Variants in ASTN1 observed in about 807,000 individuals in gnomAD.
ASTN1 encodes the protein astrotactin 1.
ASTN1 carries 41 observed loss-of-function variants against 140.7 expected under a neutral mutation model. That is an observed-to-expected ratio of 0.29 (90% confidence interval 0.23 to 0.38). The LOEUF (loss-of-function observed/expected upper bound fraction) is 0.38, where lower values mean the gene tolerates loss of function less well. ASTN1 is among the 10% of genes least tolerant of loss of function. ASTN1 has a pLI of 1.00. For synonymous variants in ASTN1, 640 were observed against 652.2 expected, an observed-to-expected ratio of 0.98 and a Z score of 0.29; for missense variants, 1,479 against 1,678.8, an observed-to-expected ratio of 0.88 and a Z score of 2.08.
intron 1 of ASTN1, among the ~76,000 whole-genome samples, chr1:177,158,205 G>C (rs1164811400): frequency 6.6e-6 from 1 of 152,102 alleles, no homozygotes; most frequent in Non-Finnish European, 1.5e-5. Context: ...TTGATTGTTT[G>C]TTCCTTGGAA....
At chr1:176,943,060 A>G (rs1671807983) in intron 14 of ASTN1, among the ~76,000 whole-genome samples, 1 of 151,588 alleles carries the variant, frequency 6.6e-6, no homozygotes, top group Non-Finnish European at 1.5e-5. Context: ...TAAGGAAGAC[A>G]GAATGAATAG....
chr1:176,948,604 A>G (rs2103115033), intron 12 of ASTN1, among the ~76,000 whole-genome samples: 1 of 152,200 alleles, frequency 6.6e-6, no homozygotes, highest in East Asian at 1.9e-4. Context: ...GCTCCCTCAC[A>G]GAGTGATCCT....
intron 8 of ASTN1, among the ~76,000 whole-genome samples, chr1:176,972,523 G>A (rs1271468280): frequency 6.6e-6 from 1 of 151,960 alleles, no homozygotes; most frequent in East Asian, 1.9e-4. Context: ...TTTAGAGACA[G>A]GATCTCACTC....
At chr1:177,103,344 G>A (rs1680390728) in intron 1 of ASTN1, among the ~76,000 whole-genome samples, 1 of 152,188 alleles carries the variant, frequency 6.6e-6, no homozygotes, top group East Asian at 1.9e-4. Flanking sequence ...CAGGCTAGAG[G>A]AGATCTACAG....
chr1:176,998,251 T>C (rs1327086201), intron 8 of ASTN1, among the ~76,000 whole-genome samples: 1 of 152,146 alleles, frequency 6.6e-6, no homozygotes, highest in East Asian at 1.9e-4. Flanking sequence ...TGAATACTCA[T>C]AAAGCATTTA....
chr1:177,138,091 T>G (rs2102217531), intron 1 of ASTN1, among the ~76,000 whole-genome samples: 1 of 152,202 alleles, frequency 6.6e-6, no homozygotes, highest in Non-Finnish European at 1.5e-5. Context: ...GCTCCAGACC[T>G]GGTGCTCAGA....
At chr1:177,022,885 G>A (rs1675898934) in intron 7 of ASTN1, among the ~76,000 whole-genome samples, 1 of 152,104 alleles carries the variant, frequency 6.6e-6, no homozygotes, top group Non-Finnish European at 1.5e-5. Flanking sequence ...GGAATGTTAA[G>A]TGAAAAAAGC....
chr1:177,060,511 C>T (rs539857473), intron 2 of ASTN1, among the ~76,000 whole-genome samples: 1 of 152,272 alleles, frequency 6.6e-6, no homozygotes, highest in East Asian at 1.9e-4. Context: ...TTAGCCTCAT[C>T]TAATTTTGTT....
chr1:176,869,545 A>G (rs1485875734), intron 21 of ASTN1, among the ~76,000 whole-genome samples: 1 of 152,242 alleles, frequency 6.6e-6, no homozygotes, highest in African/African-American at 2.4e-5. Context: ...AAGAAAGAAG[A>G]GAAAGTAAAT....
intron 17 of ASTN1, among the ~76,000 whole-genome samples, chr1:176,893,825 A>G (rs902435253): frequency 2.6e-5 from 4 of 152,112 alleles, no homozygotes; most frequent in Non-Finnish European, 5.9e-5. Flanking sequence ...GACTCACTCT[A>G]ATCTCTATGT....
intron 16 of ASTN1, among the ~76,000 whole-genome samples, chr1:176,931,441 G>A (rs1671201987): frequency 1.3e-5 from 2 of 152,098 alleles, no homozygotes; most frequent in Admixed American, 6.5e-5. Flanking sequence ...ACTACAGCCT[G>A]GGTAACAAGA....
chr1:177,137,630 A>C (rs1243990028), intron 1 of ASTN1, among the ~76,000 whole-genome samples: 1 of 152,220 alleles, frequency 6.6e-6, no homozygotes, highest in African/African-American at 2.4e-5. Context: ...GAGCTAATTC[A>C]CAAACTGTCA....
chr1:176,907,485 C>T (rs1189541190), intron 16 of ASTN1, among the ~76,000 whole-genome samples: 1 of 152,200 alleles, frequency 6.6e-6, no homozygotes, highest in Non-Finnish European at 1.5e-5. Flanking sequence ...AACTGTCCTA[C>T]AAGTAACCAA....
At chr1:176,970,187 G>GA (rs1177221247) in intron 8 of ASTN1, among the ~76,000 whole-genome samples, 3 of 152,170 alleles carry the variant, frequency 2.0e-5, no homozygotes, top group African/African-American at 7.2e-5. Flanking sequence ...CTTTTGCAGG[G>GA]ATTTTTCCCT....
At chr1:177,003,565 C>G (rs1456662801) in intron 8 of ASTN1, among the ~76,000 whole-genome samples, 1 of 152,148 alleles carries the variant, frequency 6.6e-6, no homozygotes, top group Non-Finnish European at 1.5e-5. Flanking sequence ...AATCCCAGCA[C>G]CTTGGAAGGC....
At chr1:176,979,899 A>C (rs887784522) in intron 8 of ASTN1, among the ~76,000 whole-genome samples, 1 of 152,178 alleles carries the variant, frequency 6.6e-6, no homozygotes, top group Non-Finnish European at 1.5e-5. Context: ...ATTGAGTCTA[A>C]ACTTTCAAGG....
intron 1 of ASTN1, among the ~76,000 whole-genome samples, chr1:177,162,591 T>C (rs1647443072): frequency 6.6e-6 from 1 of 152,182 alleles, no homozygotes; most frequent in African/African-American, 2.4e-5. Context: ...GTTTTGGGAT[T>C]CTGCAAAAAA....
At chr1:176,915,649 C>T (rs1357618349) in intron 16 of ASTN1, among the ~76,000 whole-genome samples, 7 of 152,140 alleles carry the variant, frequency 4.6e-5, no homozygotes, top group Admixed American at 4.6e-4. Context: ...GATTACTCCT[C>T]TCCCTTTGTT....
At chr1:177,100,141 A>AG (rs1161323324) in intron 1 of ASTN1, among the ~76,000 whole-genome samples, 1 of 152,152 alleles carries the variant, frequency 6.6e-6, no homozygotes, top group East Asian at 1.9e-4. Flanking sequence ...TAAACCCCCT[A>AG]GTGCTTTATG....
Sources: gnomAD v4.1 joint callset for allele counts (sites outside exome capture counted in the v4.1 genomes callset) on GRCh38, gnomAD v4.1.1 for gene constraint, MANE v1.5 for transcripts, NCBI Gene and HGNC (gene_info 2026-07-23, HGNC 2026-07-21) for gene names.